Variants in KCNK10 observed in about 807,000 individuals in gnomAD.
KCNK10 encodes the protein potassium two pore domain channel subfamily K member 10, also known as potassium channel subfamily K member 10.
In KCNK10, 25 loss-of-function variants were observed where a neutral mutation model predicts 47.7. The observed-to-expected ratio is 0.52, with a 90% CI of 0.38 to 0.73. The LOEUF (loss-of-function observed/expected upper bound fraction) is 0.73. Ranked by LOEUF, KCNK10 falls within the 30% of genes least tolerant of loss-of-function variation. KCNK10 has a pLI of 0.00. For missense variants in KCNK10, 563 were observed against 714.5 expected, an observed-to-expected ratio of 0.79 and a Z score of 2.42; for synonymous variants, 303 against 285.6, an observed-to-expected ratio of 1.06 and a Z score of -0.61.
chr14:88,270,054 A>G (rs1466113094), intron 1 of KCNK10, among the ~76,000 whole-genome samples: 1 of 151,544 alleles, frequency 6.6e-6, no homozygotes, highest in Non-Finnish European at 1.5e-5. Flanking sequence ...GTGACTGCAG[A>G]CTCCCGGGCA....
At chr14:88,278,562 A>T (rs1887577674) in intron 1 of KCNK10, among the ~76,000 whole-genome samples, 1 of 152,226 alleles carries the variant, frequency 6.6e-6, no homozygotes, top group South Asian at 2.1e-4. Flanking sequence ...CTAAGTGTTG[A>T]TGCAAGATCT....
At chr14:88,299,539 C>G (rs1566718514) in intron 1 of KCNK10, among the ~76,000 whole-genome samples, 1 of 152,196 alleles carries the variant, frequency 6.6e-6, no homozygotes, top group Non-Finnish European at 1.5e-5. Flanking sequence ...AAAGCTGTAA[C>G]AGTGCCTTGG....
chr14:88,244,714 T>A (rs1458729488), intron 2 of KCNK10, among the ~76,000 whole-genome samples: 1 of 151,330 alleles, frequency 6.6e-6, no homozygotes, highest in African/African-American at 2.4e-5. Context: ...CAGAAGTGAA[T>A]GGAGGGCAGC....
chr14:88,244,616 CGA>C (rs1315027909), intron 2 of KCNK10, among the ~76,000 whole-genome samples: 2 of 151,670 alleles, frequency 1.3e-5, no homozygotes, highest in Non-Finnish European at 2.9e-5. Flanking sequence ...TGCAGTGAGC[CGA>C]GATCGCGCTA....
At chr14:88,206,536 A>T (rs1885280685) in intron 4 of KCNK10, among the ~76,000 whole-genome samples, 1 of 152,248 alleles carries the variant, frequency 6.6e-6, no homozygotes, top group Non-Finnish European at 1.5e-5. Flanking sequence ...ATGTAAATAG[A>T]TTAGCTGGAA....
chr14:88,232,895 G>C (rs900403279), intron 3 of KCNK10, among the ~76,000 whole-genome samples: 1 of 152,192 alleles, frequency 6.6e-6, no homozygotes, highest in Non-Finnish European at 1.5e-5. Flanking sequence ...AGAGGAAACA[G>C]CTCCTAGGCA....
At chr14:88,197,157 GACTGGCCAGTTCAGT>G (rs1884940253) in intron 4 of KCNK10, among the ~76,000 whole-genome samples, 1 of 152,190 alleles carries the variant, frequency 6.6e-6, no homozygotes. Flanking sequence ...ACCTATGACA[GACTGGCCAGTTCAGT>G]ACTTTGCTGG....
intron 2 of KCNK10, among the ~76,000 whole-genome samples, chr14:88,258,582 C>G (rs1268915628): frequency 1.3e-5 from 2 of 152,198 alleles, no homozygotes; most frequent in African/African-American, 4.8e-5. Flanking sequence ...AGCCACCGAA[C>G]CCGGCCGCGT....
chr14:88,312,604 T>A (rs1462464198), intron 1 of KCNK10, among the ~76,000 whole-genome samples: 1 of 152,216 alleles, frequency 6.6e-6, no homozygotes, highest in Non-Finnish European at 1.5e-5. Context: ...AGTCACTGAA[T>A]CTGTAAAAGA....
chr14:88,209,704 C>T (rs1436727687), intron 4 of KCNK10, among the ~76,000 whole-genome samples: 2 of 152,222 alleles, frequency 1.3e-5, no homozygotes, highest in African/African-American at 4.8e-5. Flanking sequence ...CACCCACCTC[C>T]ATGCCCATTT....
chr14:88,241,118 C>A (rs954319767), intron 2 of KCNK10, among the ~76,000 whole-genome samples: 25 of 152,226 alleles, frequency 1.6e-4, no homozygotes, highest in African/African-American at 6.0e-4. Context: ...TTACAAGTTT[C>A]TGTGCATATA....
intron 1 of KCNK10, among the ~76,000 whole-genome samples, chr14:88,280,730 T>C (rs1054154492): frequency 3.3e-5 from 5 of 152,130 alleles, no homozygotes; most frequent in East Asian, 1.9e-4. Context: ...AGTTCTCTCA[T>C]TTCTACCGCC....
chr14:88,213,921 T>TTTATTATTATTAGTATTA (rs372858787), intron 4 of KCNK10, among the ~76,000 whole-genome samples: 7 of 126,410 alleles, frequency 5.5e-5, no homozygotes, highest in African/African-American at 1.9e-4. Context: ...TTTATTTTAC[T>TTTATTATTATTAGTATTA]TTATTATTAT....
At chr14:88,221,156 G>T (rs1276395229) in intron 4 of KCNK10, among the ~76,000 whole-genome samples, 5 of 151,710 alleles carry the variant, frequency 3.3e-5, no homozygotes, top group African/African-American at 1.2e-4. Flanking sequence ...ACAAAAATTA[G>T]CCAGGCATGG....
intron 1 of KCNK10, among the ~76,000 whole-genome samples, chr14:88,271,256 T>C (rs932109958): frequency 2.0e-5 from 3 of 152,202 alleles, no homozygotes; most frequent in African/African-American, 7.2e-5. Context: ...TTTGTTTCAT[T>C]CCTGAATTTG....
chr14:88,244,229 G>C (rs1312574529), intron 2 of KCNK10, among the ~76,000 whole-genome samples: 3 of 152,164 alleles, frequency 2.0e-5, no homozygotes, highest in African/African-American at 7.2e-5. Context: ...GTTACCATTT[G>C]AATTGGCAAC....
intron 3 of KCNK10, among the ~76,000 whole-genome samples, chr14:88,229,481 T>C (rs2139875201): frequency 6.6e-6 from 1 of 152,124 alleles, no homozygotes; most frequent in Non-Finnish European, 1.5e-5. Context: ...CAAAGTATTA[T>C]TATTATTATT....
At chr14:88,240,074 G>A (rs967930314) in intron 3 of KCNK10, among the ~76,000 whole-genome samples, 1 of 151,986 alleles carries the variant, frequency 6.6e-6, no homozygotes, top group Non-Finnish European at 1.5e-5. Context: ...TCATGCAGAT[G>A]TTTCACTTCT....
intron 4 of KCNK10, among the ~76,000 whole-genome samples, chr14:88,205,542 CTTTTTTTTT>C (rs200265659): frequency 8.6e-6 from 1 of 115,780 alleles, no homozygotes; most frequent in Non-Finnish European, 1.7e-5. Context: ...CTTTTCTTTT[CTTTTTTTTT>C]TTTTTTTTTT....
Sources: gnomAD v4.1 joint callset for allele counts (sites outside exome capture counted in the v4.1 genomes callset) on GRCh38, gnomAD v4.1.1 for gene constraint, MANE v1.5 for transcripts, NCBI Gene and HGNC (gene_info 2026-07-23, HGNC 2026-07-21) for gene names.